CSMD1: variants seen among roughly 807,000 people sequenced by gnomAD.
The protein encoded by CSMD1 is CUB and Sushi multiple domains 1.
CSMD1 carries 213 observed loss-of-function variants against 417.5 expected under a neutral mutation model. The ratio of observed to expected loss-of-function variants is 0.51; its 90% CI spans 0.46 to 0.57. CSMD1 has a LOEUF of 0.57. CSMD1 is among the 20% of genes least tolerant of loss of function. The probability of loss-of-function intolerance (pLI) is 0.00; values close to 1 mark genes in which losing one functional copy is unlikely to be tolerated. For synonymous variants in CSMD1, 2,862 were observed against 1,736.8 expected (o/e 1.65, Z -16.11); for missense variants, 6,923 against 4,529.7 (o/e 1.53, Z -15.17).
chr8:4,035,920 A>G (rs1797592247), intron 3 of CSMD1, among the ~76,000 whole-genome samples: 1 of 152,184 alleles, frequency 6.6e-6, no homozygotes, highest in African/African-American at 2.4e-5. Context: ...ACTCACCCAG[A>G]GCAACTTCCA....
chr8:4,319,935 G>A (rs1462288475), intron 3 of CSMD1, among the ~76,000 whole-genome samples: 1 of 152,126 alleles, frequency 6.6e-6, no homozygotes, highest in Non-Finnish European at 1.5e-5. Flanking sequence ...CATCTTCAGA[G>A]CTTGCACAAG....
chr8:3,614,019 G>C (rs1584962562), intron 8 of CSMD1, among the ~76,000 whole-genome samples: 1 of 151,778 alleles, frequency 6.6e-6, no homozygotes, highest in Non-Finnish European at 1.5e-5. Context: ...GAAAGTTCTA[G>C]GAAATCTATC....
At chr8:3,751,910 A>G (rs1362182708) in intron 6 of CSMD1, among the ~76,000 whole-genome samples, 3 of 152,178 alleles carry the variant, frequency 2.0e-5, no homozygotes, top group Non-Finnish European at 4.4e-5. Context: ...CTGTTAATCA[A>G]CCTAACTGAC....
intron 4 of CSMD1, among the ~76,000 whole-genome samples, chr8:4,018,060 T>C (rs571603366): frequency 2.1e-5 from 3 of 145,918 alleles, no homozygotes; most frequent in East Asian, 1.9e-4. Context: ...AGTGTGGGTA[T>C]GTATGCTTGC....
chr8:4,478,057 G>A (rs1652548), intron 2 of CSMD1, among the ~76,000 whole-genome samples: 2,070 of 152,110 alleles, frequency 0.014, 39 homozygotes, highest in African/African-American at 0.048. Flanking sequence ...AGCACTCCCC[G>A]AGTTAAAACT....
intron 25 of CSMD1, among the ~76,000 whole-genome samples, chr8:3,289,582 A>G (rs1390030461): frequency 1.0e-5 from 1 of 98,090 alleles, no homozygotes; most frequent in Non-Finnish European, 2.4e-5. Flanking sequence ...GCCGGTGATG[A>G]TGAGCATTTT....
At chr8:4,497,514 C>T (rs1474322224) in intron 2 of CSMD1, among the ~76,000 whole-genome samples, 1 of 152,176 alleles carries the variant, frequency 6.6e-6, no homozygotes, top group Non-Finnish European at 1.5e-5. Context: ...TTTCCCAAAT[C>T]CAGCTTGTTC....
chr8:4,201,355 G>A (rs1193268197), intron 3 of CSMD1, among the ~76,000 whole-genome samples: 4 of 151,926 alleles, frequency 2.6e-5, no homozygotes, highest in South Asian at 2.1e-4. Context: ...TGGGTAACAC[G>A]GTGAAACCCC....
At chr8:4,227,401 C>T (rs1007358295) in intron 3 of CSMD1, among the ~76,000 whole-genome samples, 2 of 152,030 alleles carry the variant, frequency 1.3e-5, no homozygotes, top group Non-Finnish European at 2.9e-5. Context: ...TTATAAGAAC[C>T]CTGTTGTCTT....
At chr8:3,547,642 T>A (rs1798724457) in intron 10 of CSMD1, among the ~76,000 whole-genome samples, 1 of 152,226 alleles carries the variant, frequency 6.6e-6, no homozygotes, top group African/African-American at 2.4e-5. Flanking sequence ...TAAAGTGGGT[T>A]TGTAAGTAAT....
rs185919159 is a variant in CSMD1 at position 3,796,427 on chromosome 8, G to T, written c.819-42385C>A. Among the ~76,000 whole-genome samples the T allele has an allele frequency of 1.3e-3, 130 of 96,896 alleles. 10 individuals are homozygous for T. Among genetic ancestry groups the T allele is most frequent in the African/African-American group, 5.0e-3 (123 of 24,406 alleles). 63.6% of individuals were successfully genotyped at this position (96,896 alleles called of 152,430 possible). On this transcript the variant is annotated intron_variant, in intron 5 of 69. Coordinates refer to ENST00000635120, the MANE Select transcript of CSMD1 (RefSeq NM_033225.6). ...TATAGATATATATCTATCATGTATA[G>T]ATATATATATCTATCGTGTATAGAT...
At chr8:4,981,180 G>A (rs966896470) in intron 1 of CSMD1, among the ~76,000 whole-genome samples, 1 of 149,600 alleles carries the variant, frequency 6.7e-6, no homozygotes, top group South Asian at 2.1e-4. Context: ...AACTGAAAAC[G>A]CTTTACCATG....
intron 6 of CSMD1, among the ~76,000 whole-genome samples, chr8:3,739,289 A>T (rs543749290): frequency 1.3e-5 from 2 of 152,234 alleles, no homozygotes; most frequent in East Asian, 3.9e-4. Flanking sequence ...GTCTTTAGAA[A>T]GAATACAAAA....
chr8:4,240,656 C>G (rs1350788378), intron 3 of CSMD1, among the ~76,000 whole-genome samples: 1 of 152,124 alleles, frequency 6.6e-6, no homozygotes, highest in Non-Finnish European at 1.5e-5. Context: ...CAAGTACTCC[C>G]CTTATACACT....
intron 10 of CSMD1, among the ~76,000 whole-genome samples, chr8:3,516,629 TTTTTAA>T (rs1376479550): frequency 6.6e-6 from 1 of 152,314 alleles, no homozygotes; most frequent in African/African-American, 2.4e-5. Flanking sequence ...GTTGTTATTG[TTTTTAA>T]TTTTAATTAT....
chr8:4,124,989 C>G (rs1383546500), intron 3 of CSMD1, among the ~76,000 whole-genome samples: 2 of 150,806 alleles, frequency 1.3e-5, no homozygotes, highest in East Asian at 2.0e-4. Context: ...CTTTTGCTTT[C>G]CTTTCACTTT....
chr8:3,721,979 C>A (rs975567672), intron 6 of CSMD1, among the ~76,000 whole-genome samples: 3 of 152,266 alleles, frequency 2.0e-5, no homozygotes, highest in Middle Eastern at 6.8e-3. Flanking sequence ...CCTGCTGTCC[C>A]CAAGCCCCCC....
At chr8:3,394,020 AT>A (rs1563342299) in intron 17 of CSMD1, among the ~76,000 whole-genome samples, 1 of 52,106 alleles carries the variant, frequency 1.9e-5, no homozygotes, top group East Asian at 5.2e-4. Context: ...AATTATATAT[AT>A]ATATATATAT....
chr8:3,054,744 C>G (rs746490647), intron 49 of CSMD1, among the ~76,000 whole-genome samples: 11 of 152,112 alleles, frequency 7.2e-5, no homozygotes, highest in Non-Finnish European at 1.3e-4. Flanking sequence ...GTATGGCATA[C>G]TACAATAATC....
Sources: gnomAD v4.1 joint callset for allele counts (sites outside exome capture counted in the v4.1 genomes callset) on GRCh38, gnomAD v4.1.1 for gene constraint, MANE v1.5 for transcripts, NCBI Gene and HGNC (gene_info 2026-07-23, HGNC 2026-07-21) for gene names.